The following FAM227B variants were observed in gnomAD, a reference collection of about 807,000 sequenced individuals.
The protein encoded by FAM227B is protein FAM227B.
Under a neutral mutation model 73.8 loss-of-function variants are expected in FAM227B, and 88 were observed. That is an observed-to-expected ratio of 1.19 (90% confidence interval 1.00 to 1.42). The LOEUF (loss-of-function observed/expected upper bound fraction) is 1.42, where lower values mean the gene tolerates loss of function less well. Ranked by LOEUF, FAM227B falls within the 40% of genes most tolerant of loss-of-function variation. FAM227B has a pLI of 0.00. For missense variants in FAM227B, 632 were observed against 590.9 expected (o/e 1.07, Z -0.72); for synonymous variants, 210 against 190.5 (o/e 1.10, Z -0.84).
At position 49,350,804 on chromosome 15, in the gene FAM227B, A is replaced by T. The variant is rs115379735; in HGVS notation, c.1272-15308T>A. ...TCCTTTCCTAACAGTGCTCTCTAAG[A>T]TATGCGAGCCAAAGACAAAGTGAGC... On this transcript the variant is annotated intron_variant, in intron 13 of 15. Transcript: ENST00000299338. Among the ~76,000 whole-genome samples, 304 of 152,284 alleles carry T rather than the reference A, an allele frequency of 2.0e-3. 3 individuals carry two copies. The highest frequency in any genetic ancestry group is 7.0e-3 in the African/African-American group (292 of 41,564).
chr15:49,345,037 T>G (rs1051278991), intron 13 of FAM227B, among the ~76,000 whole-genome samples: 1 of 152,206 alleles, frequency 6.6e-6, no homozygotes, highest in South Asian at 2.1e-4. Flanking sequence ...ACTATTTAAT[T>G]TCTTCCTCAG....
intron 1 of FAM227B, among the ~76,000 whole-genome samples, chr15:49,617,475 A>C (rs1420615242): frequency 3.3e-5 from 5 of 152,216 alleles, no homozygotes; most frequent in Non-Finnish European, 7.4e-5. Context: ...ATCTTCTAGA[A>C]ACTAGAACAA....
At chr15:49,388,754 T>C (rs538261917) in intron 11 of FAM227B, among the ~76,000 whole-genome samples, 1 of 151,984 alleles carries the variant, frequency 6.6e-6, no homozygotes, top group Non-Finnish European at 1.5e-5. Context: ...AGGACTAGTA[T>C]CCAGAATGTA....
At chr15:49,526,842 C>G (rs966242460) in intron 10 of FAM227B, among the ~76,000 whole-genome samples, 1 of 151,646 alleles carries the variant, frequency 6.6e-6, no homozygotes, top group African/African-American at 2.4e-5. Context: ...CATGATTGAA[C>G]CAGGAAGAAA....
At chr15:49,521,202 C>T (rs2059759922) in intron 10 of FAM227B, among the ~76,000 whole-genome samples, 1 of 152,180 alleles carries the variant, frequency 6.6e-6, no homozygotes, top group South Asian at 2.1e-4. Context: ...CATCTGGAAA[C>T]ATGCTCTGGA....
At chr15:49,426,228 T>A (rs1409281269) in intron 11 of FAM227B, among the ~76,000 whole-genome samples, 7 of 151,856 alleles carry the variant, frequency 4.6e-5, no homozygotes, top group Non-Finnish European at 8.8e-5. Flanking sequence ...CATGATACTT[T>A]CCAGTTCTTA....
intron 11 of FAM227B, among the ~76,000 whole-genome samples, chr15:49,474,801 AG>A (rs1597429089): frequency 6.6e-6 from 1 of 152,098 alleles, no homozygotes; most frequent in Non-Finnish European, 1.5e-5. Context: ...TGCATATGCC[AG>A]GGATCTAGGT....
rs533262425 is a variant in FAM227B, at chr15:49,560,391, C to T, written c.747+7854G>A. Among the ~76,000 whole-genome samples the T allele has an allele frequency of 3.3e-5, 5 of 152,104 alleles. No homozygotes were observed. In the East Asian group the frequency reaches 7.7e-4, roughly 24 times the overall value. On this transcript the variant is annotated intron_variant, in intron 9 of 15. Transcript: ENST00000299338. ...AATGGTATTATGTAAAGCAACCAAACCTATGAATTACTGGTATTCCTGAAA... is the reference window on the plus strand; with the variant it reads ...AATGGTATTATGTAAAGCAACCAAATCTATGAATTACTGGTATTCCTGAAA...
At chr15:49,526,853 T>G (rs544426464) in intron 10 of FAM227B, among the ~76,000 whole-genome samples, 1 of 151,656 alleles carries the variant, frequency 6.6e-6, no homozygotes, top group South Asian at 2.1e-4. Context: ...CAGGAAGAAA[T>G]AGAAATTCTG....
At chr15:49,618,306 T>A (rs1372071246) in intron 1 of FAM227B, among the ~76,000 whole-genome samples, 1 of 152,160 alleles carries the variant, frequency 6.6e-6, no homozygotes, top group East Asian at 1.9e-4. Flanking sequence ...CAGTATTATG[T>A]TGGAGAAACC....
chr15:49,331,826 T>G lies in FAM227B; in HGVS notation c.1373A>C (p.Lys458Thr). Residue 458 changes from lysine to threonine, a missense_variant, in exon 15 of 16, where the codon AAA becomes ACA. By Grantham distance (78) the Lys-to-Thr change is moderately conservative. Transcript: ENST00000299338. ...FRILQAKATK[K>T]PHEVKQDFEK... ...AAAGTCCTGTTTCACTTCATGAGGT[T>G]TCTTGGTAGCCTTTGCTTGGAGTCT... 6.2e-7 allele frequency: 1 copy of G among 1,611,386 alleles called. No homozygotes were observed. The highest frequency in any genetic ancestry group is 8.5e-7 in the Non-Finnish European group (1 of 1,177,590).
rs1488042162 is a variant in FAM227B, at chr15:49,334,543, C to T, written c.1349+876G>A. Among the ~76,000 whole-genome samples the T allele has an allele frequency of 2.0e-5, 3 of 152,238 alleles. No homozygotes were observed. The East Asian group carries it at 5.8e-4, about 29-fold the overall frequency. On this transcript the variant is annotated intron_variant, in intron 14 of 15. Coordinates refer to ENST00000299338, the MANE Select transcript of FAM227B (RefSeq NM_152647.3). ...CACCTTCTGCTACCACAGGGGCCCT[C>T]TAGAAAGGTGTCCATCCGTTTTTCC...
At chr15:49,385,046 A>C (rs2151541310) in intron 11 of FAM227B, among the ~76,000 whole-genome samples, 1 of 152,094 alleles carries the variant, frequency 6.6e-6, no homozygotes. Context: ...AACGTGCTCT[A>C]ATAGCATTTG....
intron 13 of FAM227B, among the ~76,000 whole-genome samples, chr15:49,341,374 C>T (rs555408531): frequency 3.3e-5 from 5 of 152,208 alleles, no homozygotes; most frequent in African/African-American, 1.2e-4. Flanking sequence ...ATTGATTCTT[C>T]CAACCCATGA....
At chr15:49,617,627 T>TA (rs61396000) in intron 1 of FAM227B, among the ~76,000 whole-genome samples, 7,957 of 151,662 alleles carry the variant, frequency 0.052, 356 homozygotes, top group East Asian at 0.23. Context: ...TGCAAGATAC[T>TA]AAAAAAAAAT....
chr15:49,419,932 C>G (rs2049482982), intron 11 of FAM227B, among the ~76,000 whole-genome samples: 1 of 152,232 alleles, frequency 6.6e-6, no homozygotes, highest in African/African-American at 2.4e-5. Flanking sequence ...CTTTGTAGCA[C>G]TTGTCCATGA....
chr15:49,359,931 C>T (rs1403219071), intron 13 of FAM227B, among the ~76,000 whole-genome samples: 1 of 150,088 alleles, frequency 6.7e-6, no homozygotes, highest in Non-Finnish European at 1.5e-5. Context: ...GAGTTCATGT[C>T]CTTTGTATGG....
intron 11 of FAM227B, among the ~76,000 whole-genome samples, chr15:49,434,961 A>G (rs1486488709): frequency 1.3e-5 from 2 of 151,624 alleles, no homozygotes; most frequent in Non-Finnish European, 3.0e-5. Flanking sequence ...ATTTTTTCTG[A>G]ATAACTGCAT....
In FAM227B at chr15:49,328,369, G is replaced by A; in HGVS notation, c.*199C>T. 1 of 1,429,920 alleles carries A rather than the reference G, an allele frequency of 7.0e-7. No individual in the cohort carries two copies. The highest frequency in any genetic ancestry group is 9.1e-7 in the Non-Finnish European group (1 of 1,095,672). 88.6% of individuals were successfully genotyped at this position (1,429,920 alleles called of 1,614,324 possible). A position where few individuals can be genotyped will look rare whatever the true frequency, so the allele number is the denominator to read the frequency against. The stretch of plus-strand genomic sequence containing the variant: ...TTAAAATATGGTTTTACTATTAAGA[G>A]CCAAGATCATGCTTGGACAGATCTT... On this transcript the variant is annotated 3_prime_UTR_variant, in exon 16 of 16. Transcript: ENST00000299338.
Sources: gnomAD v4.1 joint callset for allele counts (sites outside exome capture counted in the v4.1 genomes callset) on GRCh38, gnomAD v4.1.1 for gene constraint, MANE v1.5 for transcripts, NCBI Gene and HGNC (gene_info 2026-07-23, HGNC 2026-07-21) for gene names.